ZFPM2: variants seen among roughly 807,000 people sequenced by gnomAD.
ZFPM2 encodes the protein zinc finger protein, FOG family member 2.
In ZFPM2, 20 loss-of-function variants were observed where a neutral mutation model predicts 98.6. The observed-to-expected ratio is 0.20, with a 90% CI of 0.14 to 0.29. The LOEUF is 0.29. ZFPM2 is among the 10% of genes least tolerant of loss of function. The pLI is 1.00. For synonymous variants in ZFPM2, 518 were observed against 502.7 expected, an observed-to-expected ratio of 1.03 and a Z score of -0.41; for missense variants, 1,310 against 1,388.6, an observed-to-expected ratio of 0.94 and a Z score of 0.90.
At chr8:105,581,259 A>C (rs1815591213) in intron 4 of ZFPM2, among the ~76,000 whole-genome samples, 1 of 152,142 alleles carries the variant, frequency 6.6e-6, no homozygotes, top group Admixed American at 6.6e-5. Flanking sequence ...GAAATAAATA[A>C]TGAAGTGGTA....
intron 1 of ZFPM2, among the ~76,000 whole-genome samples, chr8:105,361,717 C>G (rs1277576713): frequency 6.6e-6 from 1 of 151,980 alleles, no homozygotes; most frequent in Admixed American, 6.6e-5. Context: ...GAAATTGAAG[C>G]TTGCATTTAA....
intron 1 of ZFPM2, among the ~76,000 whole-genome samples, chr8:105,326,702 T>C (rs1177961895): frequency 6.6e-6 from 1 of 151,664 alleles, no homozygotes; most frequent in African/African-American, 2.4e-5. Flanking sequence ...CATCTGGTCA[T>C]GTGCCACTAA....
chr8:105,760,503 ATAAACT>A (rs1323489599), intron 5 of ZFPM2, among the ~76,000 whole-genome samples: 1 of 152,118 alleles, frequency 6.6e-6, no homozygotes, highest in Non-Finnish European at 1.5e-5. Context: ...CAAAGCAAAC[ATAAACT>A]TAAATGTACT....
At chr8:105,794,899 A>AAT (rs1487244887) in intron 6 of ZFPM2, among the ~76,000 whole-genome samples, 12 of 152,132 alleles carry the variant, frequency 7.9e-5, no homozygotes, top group African/African-American at 2.9e-4. Context: ...TGCAGGATAT[A>AAT]ATCTCCTGGT....
intron 1 of ZFPM2, among the ~76,000 whole-genome samples, chr8:105,389,522 C>G (rs893821160): frequency 6.6e-6 from 1 of 152,124 alleles, no homozygotes; most frequent in Admixed American, 6.6e-5. Flanking sequence ...TCCAAAGTTG[C>G]TTTTTCTCTT....
intron 5 of ZFPM2, among the ~76,000 whole-genome samples, chr8:105,696,883 A>G (rs980975899): frequency 2.0e-5 from 3 of 152,170 alleles, no homozygotes; most frequent in African/African-American, 7.2e-5. Context: ...TCTGTTTGAA[A>G]CTGATAATCT....
Position 105,444,260 on chromosome 8 carries a change from C to G in ZFPM2, c.200-20C>G. On this transcript the variant is annotated intron_variant, in intron 2 of 7. Coordinates refer to ENST00000407775, the MANE Select transcript of ZFPM2 (RefSeq NM_012082.4). ...GAGCTTTGCTCATTTTCTTTCTCTC[C>G]TTGTGTTGGTGTTTTCCAGGTGATG... 1 of 1,588,594 alleles carries G rather than the reference C, an allele frequency of 6.3e-7. No homozygotes were observed. The highest frequency in any genetic ancestry group is 8.6e-7 in the Non-Finnish European group (1 of 1,162,490).
At chr8:105,692,373 C>T (rs1810907366) in intron 5 of ZFPM2, among the ~76,000 whole-genome samples, 1 of 152,104 alleles carries the variant, frequency 6.6e-6, no homozygotes, top group Admixed American at 6.5e-5. Flanking sequence ...ACACAAATAT[C>T]TATATGTAGG....
intron 3 of ZFPM2, among the ~76,000 whole-genome samples, chr8:105,486,263 G>A (rs1287543313): frequency 1.3e-5 from 2 of 152,024 alleles, no homozygotes; most frequent in East Asian, 1.9e-4. Context: ...AACATGATGC[G>A]TGACTTTTCT....
At chr8:105,795,511 G>GAAAC (rs776219825) in intron 6 of ZFPM2, among the ~76,000 whole-genome samples, 1 of 148,542 alleles carries the variant, frequency 6.7e-6, no homozygotes, top group Admixed American at 6.7e-5. Context: ...TTGAAAAAAA[G>GAAAC]AAACAAAATA....
chr8:105,583,761 C>T (rs752559828), intron 4 of ZFPM2, among the ~76,000 whole-genome samples: 6 of 152,038 alleles, frequency 3.9e-5, no homozygotes, highest in African/African-American at 7.2e-5. Flanking sequence ...GCTGGAATGC[C>T]GGCTAGGAGA....
intron 4 of ZFPM2, among the ~76,000 whole-genome samples, chr8:105,586,112 A>G (rs1182741162): frequency 6.6e-6 from 1 of 152,060 alleles, no homozygotes; most frequent in Non-Finnish European, 1.5e-5. Context: ...GCCTACAGGC[A>G]AAAGAGAACA....
chr8:105,615,374 GTTTTAC>G lies in ZFPM2; in HGVS notation c.421-18867_421-18862del, dbSNP rs933882292. Among the ~76,000 whole-genome samples the G allele has an allele frequency of 5.9e-5, 9 of 152,118 alleles. No homozygotes were observed. In the South Asian group the frequency reaches 1.4e-3, roughly 24 times the overall value. The stretch of plus-strand genomic sequence containing the variant: ...GGACAGAGCAAACTCTGAGTTTGTA[GTTTTAC>G]TTTTCTGCAAAGTTGAATTAGGGAA... On this transcript the variant is annotated intron_variant, in intron 4 of 7. Transcript: ENST00000407775.
At chr8:105,702,680 G>A (rs1326623691) in intron 5 of ZFPM2, among the ~76,000 whole-genome samples, 1 of 152,222 alleles carries the variant, frequency 6.6e-6, no homozygotes, top group East Asian at 1.9e-4. Context: ...AAGGGGACAC[G>A]TGTATAAGGG....
chr8:105,599,576 G>A (rs1404858024), intron 4 of ZFPM2, among the ~76,000 whole-genome samples: 1 of 152,020 alleles, frequency 6.6e-6, no homozygotes. Context: ...GAGTATCAAG[G>A]AAGGATTAGC....
intron 5 of ZFPM2, among the ~76,000 whole-genome samples, chr8:105,655,223 CTTTTT>C (rs34262627): frequency 3.9e-5 from 3 of 76,088 alleles, no homozygotes; most frequent in African/African-American, 5.2e-5. Context: ...TGCATTGAGT[CTTTTT>C]TTTTTTTTTT....
intron 4 of ZFPM2, among the ~76,000 whole-genome samples, chr8:105,564,436 C>A (rs1282935087): frequency 2.6e-5 from 4 of 151,922 alleles, no homozygotes; most frequent in Non-Finnish European, 5.9e-5. Flanking sequence ...ACATCCTCTT[C>A]CAAAATTTAC....
intron 1 of ZFPM2, among the ~76,000 whole-genome samples, chr8:105,398,770 A>T (rs1340841121): frequency 6.6e-6 from 1 of 152,152 alleles, no homozygotes; most frequent in African/African-American, 2.4e-5. Context: ...ATATATATAC[A>T]TATTGGTACA....
intron 3 of ZFPM2, among the ~76,000 whole-genome samples, chr8:105,530,149 T>G (rs948749935): frequency 6.6e-6 from 1 of 152,164 alleles, no homozygotes; most frequent in Non-Finnish European, 1.5e-5. Context: ...GGTATTGCAG[T>G]CTTTGGCCCC....
Sources: gnomAD v4.1 joint callset for allele counts (sites outside exome capture counted in the v4.1 genomes callset) on GRCh38, gnomAD v4.1.1 for gene constraint, MANE v1.5 for transcripts, NCBI Gene and HGNC (gene_info 2026-07-23, HGNC 2026-07-21) for gene names.